PCTP: variants seen among roughly 807,000 people sequenced by gnomAD.
The protein encoded by PCTP is phosphatidylcholine transfer protein, also known as START domain-containing protein 2.
A neutral mutation model predicts 31.0 loss-of-function variants in PCTP; 27 were observed. The observed-to-expected ratio is 0.87, with a 90% confidence interval of 0.64 to 1.20. The LOEUF is 1.20. PCTP is among the 50% of genes most tolerant of loss of function. The pLI, the probability that PCTP is intolerant of heterozygous loss-of-function variation, is 0.00. For synonymous variants in PCTP, 108 were observed against 101.2 expected, an observed-to-expected ratio of 1.07 and a Z score of -0.40; for missense variants, 287 against 268.2, an observed-to-expected ratio of 1.07 and a Z score of -0.49.
rs148662422 is a variant in PCTP, at chr17:55,758,992, T to C, written c.141+7748T>C. ...CTATTAATAAAACAAAACACTGATATTTCATTCAGCCTTGGGAATCCCTTG... is the reference window on the plus strand; with the variant it reads ...CTATTAATAAAACAAAACACTGATACTTCATTCAGCCTTGGGAATCCCTTG... On this transcript the variant is annotated intron_variant, in intron 1 of 5. Coordinates refer to ENST00000268896, the MANE Select transcript of PCTP (RefSeq NM_021213.4). Among the ~76,000 whole-genome samples the C allele has an allele frequency of 1.2e-4, 19 of 152,278 alleles. No individual in the cohort carries two copies. In the East Asian group the frequency reaches 3.7e-3, roughly 29 times the overall value.
At chr17:55,797,137 A>G (rs1434317435) in intron 3 of PCTP, among the ~76,000 whole-genome samples, 1 of 152,018 alleles carries the variant, frequency 6.6e-6, no homozygotes, top group Non-Finnish European at 1.5e-5. Flanking sequence ...TTTCATTATC[A>G]CACAGAAAAA....
At chr17:55,787,439 C>T (rs183231072) in intron 2 of PCTP, 6 of 152,074 alleles carry the variant, frequency 3.9e-5, no homozygotes, top group Admixed American at 6.5e-5. Flanking sequence ...CTGCAAACTT[C>T]ACCTCCTGGG....
intron 5 of PCTP, 73 bp downstream of exon 5, chr17:55,774,932 G>C (rs1473103428): frequency 6.9e-7 from 1 of 1,450,434 alleles, no homozygotes; most frequent in Non-Finnish European, 9.6e-7. Context: ...TAGCCCGCGG[G>C]GCTGTCAGGC....
rs185994947 is a variant in PCTP, at chr17:55,776,692, T to A, written c.*592T>A. On this transcript the variant is annotated 3_prime_UTR_variant, in exon 6 of 6. Transcript: ENST00000268896. ...TTTGAGGTGATAATCCAGTAAGTCTTTCCTCGTTCCTACTTGTGGAGGATC... is the reference window on the plus strand; with the variant it reads ...TTTGAGGTGATAATCCAGTAAGTCTATCCTCGTTCCTACTTGTGGAGGATC... 167 of 1,216,260 alleles carry A rather than the reference T, an allele frequency of 1.4e-4. No homozygotes were observed. The Admixed American group carries it at 2.3e-3, about 17-fold the overall frequency. 75.3% of individuals were successfully genotyped at this position (1,216,260 alleles called of 1,614,324 possible). A position where few individuals can be genotyped will look rare whatever the true frequency, so the allele number is the denominator to read the frequency against.
chr17:55,757,865 G>T (rs190716696), intron 1 of PCTP, among the ~76,000 whole-genome samples: 27 of 152,262 alleles, frequency 1.8e-4, no homozygotes, highest in African/African-American at 6.3e-4. Flanking sequence ...ATTGAAAGAT[G>T]AAAGTGAGAC....
chr17:55,767,337 G>T lies in PCTP; in HGVS notation c.144G>T (p.Lys48Asn), dbSNP rs1169913630. Residue 48 changes from lysine (K) to asparagine (N), a missense_variant and splice_region_variant, in exon 2 of 6, where the codon AAG becomes AAT. By Grantham distance (94) the Lys-to-Asn change is moderately conservative. Coordinates refer to ENST00000268896, the MANE Select transcript of PCTP (RefSeq NM_021213.4). Reference sequence around the variant, plus strand: ...TTCTACCTGTTCTGTTTTTATAGAAGACTGGACTTTATGAGTATAAAGTCT... The same window carrying T: ...TTCTACCTGTTCTGTTTTTATAGAATACTGGACTTTATGAGTATAAAGTCT... ...GISIYRLLDK[K>N]TGLYEYKVFG... The T allele has an allele frequency of 2.5e-6, 4 of 1,592,116 alleles. No individual in the cohort carries two copies. The Admixed American group carries it at 5.0e-5, about 20-fold the overall frequency.
At chr17:55,806,117 A>G (rs1170212916) in intron 3 of PCTP, among the ~76,000 whole-genome samples, 11 of 152,280 alleles carry the variant, frequency 7.2e-5, no homozygotes, top group Admixed American at 3.9e-4. Context: ...AAAATGGGCC[A>G]TGGATCACAG....
rs1909693366 is a variant in PCTP at position 55,751,310 on chromosome 17, A to G, written c.141+66A>G. ...CGCCGGGGTCGACCTCCCCGCAGGG[A>G]GTGCGGGGCGGCAGTCGCGGAAGGG... On this transcript the variant is annotated intron_variant, in intron 1 of 5. Coordinates refer to ENST00000268896, the MANE Select transcript of PCTP (RefSeq NM_021213.4). The G allele has an allele frequency of 6.6e-6, 10 of 1,515,738 alleles. No homozygotes were observed. In the Admixed American group the frequency reaches 2.2e-4, roughly 33 times the overall value. The allele number at this position is 1,515,738 out of a possible 1,614,324, so 93.9% of individuals were successfully genotyped here.
At chr17:55,772,237 G>A (rs1331026679) in intron 3 of PCTP, among the ~76,000 whole-genome samples, 2 of 152,170 alleles carry the variant, frequency 1.3e-5, no homozygotes, top group African/African-American at 2.4e-5. Flanking sequence ...GTGTATAAGA[G>A]CATGGAGCAA....
At position 55,773,812 on chromosome 17, in the gene PCTP, T is replaced by C; in HGVS notation, c.428T>C (p.Leu143Pro). ...GCCCGGAGCACCTCCATGCCTCAGC[T>C]TGGCGAGAGGTCTGGGGTGATCCGG... Reference protein sequence around the residue: ...ILARSTSMPQLGERSGVIRVK... With the variant: ...ILARSTSMPQPGERSGVIRVK... The change falls in exon 4 of 6, where the codon CTT (leucine) becomes CCT (proline). Residue 143 changes from leucine to proline, a missense_variant. By Grantham distance (98) the Leu-to-Pro change is moderately conservative. Transcript: ENST00000268896. 1.2e-6 allele frequency: 2 copies of C among 1,613,852 alleles called. No individual in the cohort carries two copies. The highest frequency in any genetic ancestry group is 1.7e-6 in the Non-Finnish European group (2 of 1,179,962).
chr17:55,820,573 T>C (rs1051564458), intron 3 of PCTP, among the ~76,000 whole-genome samples: 1 of 152,206 alleles, frequency 6.6e-6, no homozygotes, highest in African/African-American at 2.4e-5. Context: ...CTAAAGGCCC[T>C]ACATCTTAAT....
rs575823093 is a variant in PCTP at position 55,796,013 on chromosome 17, G to A, written c.317+8359G>A. On this transcript the variant is annotated intron_variant, in intron 3 of 3. Coordinates refer to the PCTP transcript ENST00000572536. The stretch of plus-strand genomic sequence containing the variant: ...GGATCAACTAATTCTGCACAGAGGC[G>A]TCTAGGAAAGGATAAGTGTAAGTAG... Among the ~76,000 whole-genome samples the A allele has an allele frequency of 2.6e-4, 40 of 152,112 alleles. No homozygotes were observed. The South Asian group carries it at 3.3e-3, about 13-fold the overall frequency.
chr17:55,834,138 C>T lies in PCTP; in HGVS notation n.506-8589C>T, dbSNP rs1905699785. ...GAATGCCCACAGCACCCCTACTTTC[C>T]TCTTGTATCTACTCTGCTTTTGGAG... On this transcript the variant is annotated intron_variant and non_coding_transcript_variant, in intron 5 of 5. Transcript: ENST00000576221. Among the ~76,000 whole-genome samples the T allele has an allele frequency of 2.0e-5, 3 of 152,104 alleles. No individual in the cohort carries two copies. The South Asian group carries it at 6.2e-4, about 32-fold the overall frequency.
At chr17:55,844,747 A>C (rs1272569328), downstream of PCTP, among the ~76,000 whole-genome samples, 1 of 152,100 alleles carries the variant, frequency 6.6e-6, no homozygotes, top group Non-Finnish European at 1.5e-5. Flanking sequence ...CCTCTGTAAA[A>C]TCCAGAAAAT....
downstream of PCTP, among the ~76,000 whole-genome samples, chr17:55,781,837 C>A (rs1173742616): frequency 6.6e-6 from 1 of 152,144 alleles, no homozygotes; most frequent in African/African-American, 2.4e-5. Flanking sequence ...TGTAAGTATA[C>A]ACTATGATGT....
At chr17:55,809,625 C>T (rs577852548) in intron 3 of PCTP, among the ~76,000 whole-genome samples, 5 of 151,224 alleles carry the variant, frequency 3.3e-5, no homozygotes, top group African/African-American at 1.2e-4. Flanking sequence ...CGGGTTCAAG[C>T]GATTATCCTG....
intron 3 of PCTP, among the ~76,000 whole-genome samples, chr17:55,816,252 A>G (rs1423417767): frequency 3.3e-5 from 5 of 152,182 alleles, no homozygotes; most frequent in Non-Finnish European, 7.4e-5. Flanking sequence ...TTTAGCCAAC[A>G]TTCTCCAATC....
intron 1 of PCTP, among the ~76,000 whole-genome samples, chr17:55,753,467 A>G (rs1408466943): frequency 6.6e-6 from 1 of 152,216 alleles, no homozygotes; most frequent in East Asian, 1.9e-4. Flanking sequence ...CATCAACCCT[A>G]TGATAAGGTA....
chr17:55,834,869 C>T (rs1905726299), intron 5 of PCTP, among the ~76,000 whole-genome samples: 1 of 152,106 alleles, frequency 6.6e-6, no homozygotes, highest in Non-Finnish European at 1.5e-5. Context: ...AGTTGTGTTC[C>T]TCAAAAAGAT....
Sources: allele counts gnomAD v4.1 joint callset (sites outside exome capture counted in the v4.1 genomes callset), GRCh38; gene constraint gnomAD v4.1.1; transcripts MANE v1.5; gene names NCBI Gene and HGNC (gene_info 2026-07-23, HGNC 2026-07-21).